The following MTSS1 variants were observed in gnomAD, a reference collection of about 807,000 sequenced individuals.
The protein encoded by MTSS1 is protein MTSS 1.
A neutral mutation model predicts 79.0 loss-of-function variants in MTSS1; 18 were observed. The ratio of observed to expected loss-of-function variants is 0.23; its 90% confidence interval spans 0.16 to 0.34. The LOEUF is 0.34. Among genes scored for constraint, MTSS1 ranks in the 10% least tolerant of loss-of-function variants. The pLI, the probability that MTSS1 is intolerant of heterozygous loss-of-function variation, is 1.00. For synonymous variants in MTSS1, 341 were observed against 368.6 expected, an observed-to-expected ratio of 0.93 and a Z score of 0.86; for missense variants, 815 against 986.2, an observed-to-expected ratio of 0.83 and a Z score of 2.33.
At chr8:124,707,351 A>G (rs1158645018) in intron 1 of MTSS1, among the ~76,000 whole-genome samples, 1 of 151,796 alleles carries the variant, frequency 6.6e-6, no homozygotes, top group Non-Finnish European at 1.5e-5. Context: ...GTTCAAGACC[A>G]GCCCAGACAA....
At position 124,691,047 on chromosome 8, in the gene MTSS1, A is replaced by C. The variant is rs998884643; in HGVS notation, c.208+8479T>G. 8.5e-5 allele frequency among the ~76,000 whole-genome samples: 13 copies of C among 152,340 alleles called. No homozygotes were observed. The East Asian group carries it at 2.5e-3, about 29-fold the overall frequency. On this transcript the variant is annotated intron_variant, in intron 3 of 13. Coordinates refer to ENST00000518547, the MANE Select transcript of MTSS1 (RefSeq NM_014751.6). The stretch of plus-strand genomic sequence containing the variant: ...ATGACAGCTTTAAAAAAAATGGGGA[A>C]TCGTAAGACAAACTTCACATGCCCG...
chr8:124,681,309 T>C (rs1826095216), intron 3 of MTSS1, among the ~76,000 whole-genome samples: 1 of 152,178 alleles, frequency 6.6e-6, no homozygotes, highest in South Asian at 2.1e-4. Flanking sequence ...TACATGTGTT[T>C]TATGCTGAAG....
In MTSS1 at chr8:124,683,157, CA is replaced by C. The variant is rs57744188; in HGVS notation, c.208+16368del. 9.0e-5 allele frequency among the ~76,000 whole-genome samples: 12 copies of C among 133,978 alleles called. No individual in the cohort carries two copies. The highest frequency in any genetic ancestry group is 7.5e-5 in the Admixed American group (1 of 13,412). 87.9% of individuals were successfully genotyped at this position (133,978 alleles called of 152,430 possible). On this transcript the variant is annotated intron_variant, in intron 3 of 13. Transcript: ENST00000518547. The surrounding 1 kb of genome is among the most constrained non-coding windows in gnomAD (Gnocchi z 4.5). ...TGACAGCACTTCCATTTAAAGTAAG[CA>C]AAAAAAAAAGAAAAAAAGTTTCTTA...
chr8:124,557,023 A>C (rs1823985536), intron 11 of MTSS1, among the ~76,000 whole-genome samples: 1 of 152,210 alleles, frequency 6.6e-6, no homozygotes, highest in Non-Finnish European at 1.5e-5. Flanking sequence ...CCTACTTTTC[A>C]AATTAGGGTC....
chr8:124,597,805 C>T lies in MTSS1; in HGVS notation c.209-6570G>A, dbSNP rs967663923. On this transcript the variant is annotated intron_variant, in intron 3 of 13. Transcript: ENST00000518547. This position sits in a 1 kb window ranked among gnomAD's most constrained non-coding sequence, Gnocchi z 4.6. ...AGTCACTGTGCATCTCTGCTGTTCCCGAGAGCTGACATTGCTCGAAGGCTA... is the reference window on the plus strand; with the variant it reads ...AGTCACTGTGCATCTCTGCTGTTCCTGAGAGCTGACATTGCTCGAAGGCTA... 1.3e-5 allele frequency among the ~76,000 whole-genome samples: 2 copies of T among 152,186 alleles called. No homozygotes were observed. Among genetic ancestry groups the T allele is most frequent in the African/African-American group, 2.4e-5 (1 of 41,446 alleles).
At position 124,576,958 on chromosome 8, in the gene MTSS1, T is replaced by C. The variant is rs151262113; in HGVS notation, c.460+8129A>G. On this transcript the variant is annotated intron_variant, in intron 6 of 13. Coordinates refer to ENST00000518547, the MANE Select transcript of MTSS1 (RefSeq NM_014751.6). ...ACTCTATATACCTCTACCCTGCCCCTGAATGCAGCCACAGGGAAGTCAGGT... is the reference window on the plus strand; with the variant it reads ...ACTCTATATACCTCTACCCTGCCCCCGAATGCAGCCACAGGGAAGTCAGGT... Among the ~76,000 whole-genome samples the C allele has an allele frequency of 1.2e-4, 18 of 152,358 alleles. No individual in the cohort carries two copies. In the East Asian group the frequency reaches 2.9e-3, roughly 24 times the overall value.
At chr8:124,647,178 C>A (rs1040328296) in intron 3 of MTSS1, among the ~76,000 whole-genome samples, 2 of 152,186 alleles carry the variant, frequency 1.3e-5, no homozygotes, top group African/African-American at 2.4e-5. Flanking sequence ...AATTTACCTA[C>A]ATTTTCAAAA....
chr8:124,672,711 G>A (rs547890704), intron 3 of MTSS1, among the ~76,000 whole-genome samples: 2 of 152,214 alleles, frequency 1.3e-5, no homozygotes, highest in Admixed American at 1.3e-4. Flanking sequence ...TTGGGAAGCT[G>A]AGGTGGGAGG....
intron 6 of MTSS1, 67 bp from the exon 7 acceptor site, chr8:124,568,603 C>T (rs1339612677): frequency 6.2e-7 from 1 of 1,601,190 alleles, no homozygotes; most frequent in Admixed American, 1.7e-5. Flanking sequence ...TGCCCCTCCT[C>T]CCTGGGGTCC....
At chr8:124,662,601 A>G (rs962823072) in intron 3 of MTSS1, among the ~76,000 whole-genome samples, 2 of 151,926 alleles carry the variant, frequency 1.3e-5, no homozygotes, top group Non-Finnish European at 2.9e-5. Flanking sequence ...GTCTAGACAT[A>G]CGTACTGTCA....
At chr8:124,616,309 C>A (rs1836839764) in intron 3 of MTSS1, among the ~76,000 whole-genome samples, 1 of 149,642 alleles carries the variant, frequency 6.7e-6, no homozygotes, top group Non-Finnish European at 1.5e-5. Flanking sequence ...TTGACCCAGG[C>A]ATCTTCTCAT....
At chr8:124,617,490 T>A (rs982640349) in intron 3 of MTSS1, among the ~76,000 whole-genome samples, 1 of 152,232 alleles carries the variant, frequency 6.6e-6, no homozygotes, top group Non-Finnish European at 1.5e-5. Context: ...GGAAGGTTCT[T>A]AAAAATCATC....
intron 3 of MTSS1, among the ~76,000 whole-genome samples, chr8:124,620,654 C>T (rs1197247766): frequency 6.6e-6 from 1 of 152,142 alleles, no homozygotes; most frequent in Non-Finnish European, 1.5e-5. Context: ...TAATTAAGTA[C>T]ACCGATTTTA....
At chr8:124,722,455 A>C (rs546103681) in intron 1 of MTSS1, among the ~76,000 whole-genome samples, 3 of 152,234 alleles carry the variant, frequency 2.0e-5, no homozygotes, top group Non-Finnish European at 2.9e-5. Flanking sequence ...GCTACTTTTA[A>C]GTTTTTGGTT....
At chr8:124,643,073 CTG>C (rs1787947417) in intron 3 of MTSS1, among the ~76,000 whole-genome samples, 1 of 152,122 alleles carries the variant, frequency 6.6e-6, no homozygotes, top group Non-Finnish European at 1.5e-5. Context: ...AGGGGGAAAA[CTG>C]AGTATCTTTG....
intron 10 of MTSS1, among the ~76,000 whole-genome samples, chr8:124,558,159 A>G (rs1018653044): frequency 1.3e-5 from 2 of 152,282 alleles, no homozygotes; most frequent in South Asian, 2.1e-4. Context: ...GGCCTTGTCA[A>G]TGGTTTTTGA....
intron 11 of MTSS1, 67 bp downstream of exon 11, chr8:124,557,614 G>T (rs1824188360): frequency 6.3e-6 from 9 of 1,421,666 alleles, no homozygotes; most frequent in Non-Finnish European, 8.7e-6. Flanking sequence ...GGGTGAGGGG[G>T]TTGGAACAGA....
rs1831476028 is a variant in MTSS1 at position 124,589,603 on chromosome 8, A to C, written c.385+17T>G. 1.2e-6 allele frequency: 2 copies of C among 1,601,634 alleles called. No homozygotes were observed. Among genetic ancestry groups the C allele is most frequent in the African/African-American group, 2.7e-5 (2 of 74,284 alleles). ...CCCCCAGCGTGCAGTGATGCGCTAG[A>C]CATCTCGCCCCTGTACCTTTTGCGT... On this transcript the variant is annotated intron_variant, in intron 5 of 13. Coordinates refer to ENST00000518547, the MANE Select transcript of MTSS1 (RefSeq NM_014751.6).
At chr8:124,633,920 T>C (rs1816506039) in intron 3 of MTSS1, among the ~76,000 whole-genome samples, 1 of 152,124 alleles carries the variant, frequency 6.6e-6, no homozygotes, top group African/African-American at 2.4e-5. Flanking sequence ...AGAGAACAGG[T>C]AGAATTAGCC....
Sources: allele counts gnomAD v4.1 joint callset (sites outside exome capture counted in the v4.1 genomes callset), GRCh38; gene constraint gnomAD v4.1.1; non-coding constraint Gnocchi (gnomAD v3.1); transcripts MANE v1.5; gene names NCBI Gene and HGNC (gene_info 2026-07-23, HGNC 2026-07-21).